Variants in CAPRIN1 observed in about 807,000 individuals in gnomAD.
CAPRIN1 encodes the protein caprin-1.
Under a neutral mutation model 100.9 loss-of-function variants are expected in CAPRIN1, and 29 were observed. That is an observed-to-expected ratio of 0.29 (90% confidence interval 0.21 to 0.39). The LOEUF (loss-of-function observed/expected upper bound fraction) is 0.39. Among genes scored for constraint, CAPRIN1 ranks in the 10% least tolerant of loss-of-function variants. CAPRIN1 has a pLI of 1.00. For synonymous variants in CAPRIN1, 338 were observed against 307.5 expected (o/e 1.10, Z -1.04); for missense variants, 795 against 876.7 (o/e 0.91, Z 1.18).
At chr11:34,081,952 C>T (rs945886670) in intron 7 of CAPRIN1, among the ~76,000 whole-genome samples, 2 of 151,862 alleles carry the variant, frequency 1.3e-5, no homozygotes, top group Admixed American at 6.6e-5. Flanking sequence ...GCTGGTATTA[C>T]AGGCACACAC....
chr11:34,057,900 A>G (rs1484219737), intron 2 of CAPRIN1, among the ~76,000 whole-genome samples: 2 of 150,714 alleles, frequency 1.3e-5, no homozygotes, highest in African/African-American at 4.9e-5. Flanking sequence ...TTATATTTTT[A>G]GTAGAGATGG....
chr11:34,091,959 A>G lies in CAPRIN1; in HGVS notation c.1608A>G (p.Lys536=). Residue 536 remains lysine, a synonymous_variant, in exon 15 of 19, where the codon AAA becomes AAG. Coordinates refer to ENST00000341394, the MANE Select transcript of CAPRIN1 (RefSeq NM_005898.5). ...VPPVNEPETL[K]QQNQYQASYN... The stretch of plus-strand genomic sequence containing the variant: ...CTGTTAATGAACCAGAAACTTTAAA[A>G]CAGCAAAATCAGTACCAGGCCAGTT... 1 of 1,613,980 alleles carries G rather than the reference A, an allele frequency of 6.2e-7. No homozygotes were observed. Among genetic ancestry groups the G allele is most frequent in the Non-Finnish European group, 8.5e-7 (1 of 1,179,946 alleles).
At chr11:34,092,886 T>A (rs1412205240) in intron 15 of CAPRIN1, among the ~76,000 whole-genome samples, 2 of 152,178 alleles carry the variant, frequency 1.3e-5, no homozygotes, top group Admixed American at 1.3e-4. Context: ...AGGTTCTCAC[T>A]TTGTTGCCCG....
chr11:34,061,879 G>C (rs1191363878), intron 2 of CAPRIN1, among the ~76,000 whole-genome samples: 1 of 150,410 alleles, frequency 6.6e-6, no homozygotes, highest in Non-Finnish European at 1.5e-5. Flanking sequence ...TCTGAGGCAG[G>C]AGAATCGCTG....
At chr11:34,053,001 C>G (rs902702545) in intron 2 of CAPRIN1, 2 of 1,052,164 alleles carry the variant, frequency 1.9e-6, no homozygotes, top group Non-Finnish European at 2.3e-6. Context: ...CCCGATTTCT[C>G]TGACGAGGGC....
intron 4 of CAPRIN1, among the ~76,000 whole-genome samples, chr11:34,074,167 C>T (rs1261309955): frequency 6.6e-6 from 1 of 152,164 alleles, no homozygotes; most frequent in African/African-American, 2.4e-5. Flanking sequence ...TTCCACTTAG[C>T]TTAATGAACC....
At position 34,099,048 on chromosome 11, in the gene CAPRIN1, TTGAATGAA is replaced by T. The variant is rs956849017; in HGVS notation, c.2066-243_2066-236del. ...ATAGTAGGCACTCAATAAATATTTGTTGAATGAATGAATGAATGAGTACTGGTGGAATA... is the reference window on the plus strand; with the variant it reads ...ATAGTAGGCACTCAATAAATATTTGTTGAATGAATGAGTACTGGTGGAATA... On this transcript the variant is annotated intron_variant, in intron 18 of 18. Coordinates refer to ENST00000341394, the MANE Select transcript of CAPRIN1 (RefSeq NM_005898.5). 34 of 1,362,854 alleles carry T rather than the reference TTGAATGAA, an allele frequency of 2.5e-5. No individual in the cohort carries two copies. In the South Asian group the frequency reaches 4.7e-4, roughly 19 times the overall value. 84.4% of individuals were successfully genotyped at this position (1,362,854 alleles called of 1,614,324 possible).
chr11:34,097,592 C>T (rs180923572), intron 17 of CAPRIN1, 106 bp from the exon 18 acceptor site: 1 of 1,288,072 alleles, frequency 7.8e-7, no homozygotes, highest in East Asian at 2.3e-5. Context: ...ACTGAAGTGT[C>T]TAAAAGATTA....
chr11:34,061,141 A>C (rs957975524), intron 2 of CAPRIN1, among the ~76,000 whole-genome samples: 1 of 151,242 alleles, frequency 6.6e-6, no homozygotes, highest in Admixed American at 6.6e-5. Flanking sequence ...GTGAAACTAA[A>C]CTCCTGGATA....
intron 2 of CAPRIN1, among the ~76,000 whole-genome samples, chr11:34,062,175 G>A (rs1040742338): frequency 6.6e-6 from 1 of 151,912 alleles, no homozygotes; most frequent in Admixed American, 6.6e-5. Flanking sequence ...TTGTCTTCTG[G>A]GGATTTCACT....
chr11:34,074,849 C>T (rs893228774), intron 4 of CAPRIN1, among the ~76,000 whole-genome samples: 1 of 152,088 alleles, frequency 6.6e-6, no homozygotes, highest in African/African-American at 2.4e-5. Flanking sequence ...CACTCCTGGG[C>T]AACAGAGTGA....
At chr11:34,063,033 G>C (rs990561427) in intron 2 of CAPRIN1, 3 of 151,940 alleles carry the variant, frequency 2.0e-5, no homozygotes, top group Non-Finnish European at 4.4e-5. Context: ...TGTGGAATTT[G>C]TTGGCTATAA....
rs1239155112 is a variant in CAPRIN1 at position 34,100,981 on chromosome 11, A to G, written c.*1614A>G. 1 of 152,634 alleles carries G rather than the reference A, an allele frequency of 6.6e-6. No homozygotes were observed. Among genetic ancestry groups the G allele is most frequent in the Non-Finnish European group, 1.5e-5 (1 of 68,034 alleles). The allele number at this position is 152,634 out of a possible 1,614,324, so 9.5% of individuals were successfully genotyped here. ...TTCCAGTAGGTGCTCAGCTATTTAA[A>G]AACAAAACTATTCTCAAACATTCAT... On this transcript the variant is annotated 3_prime_UTR_variant, in exon 19 of 19. Transcript: ENST00000341394.
chr11:34,069,329 T>G (rs949992213), intron 2 of CAPRIN1, among the ~76,000 whole-genome samples: 13 of 151,930 alleles, frequency 8.6e-5, no homozygotes, highest in African/African-American at 2.9e-4. Flanking sequence ...TTTGTATTTT[T>G]GGTAGAGACG....
rs189501755 is a variant in CAPRIN1, at chr11:34,093,213, A to G, written c.1705+1157A>G. ...TTTTTTTTATATATATATTTTTTTA[A>G]GAAATGGGGTCTCTGTCTGTTGCCC... On this transcript the variant is annotated intron_variant, in intron 15 of 18. Transcript: ENST00000341394. 1.0e-4 allele frequency among the ~76,000 whole-genome samples: 15 copies of G among 148,512 alleles called. 1 individual carries two copies. Among genetic ancestry groups the G allele is most frequent in the Admixed American group, 9.7e-4 (14 of 14,484 alleles).
chr11:34,055,363 G>A (rs1278413255), intron 2 of CAPRIN1, among the ~76,000 whole-genome samples: 2 of 150,906 alleles, frequency 1.3e-5, no homozygotes, highest in Non-Finnish European at 3.0e-5. Flanking sequence ...GCTCTTGTCC[G>A]CCAGGCTGGA....
intron 2 of CAPRIN1, among the ~76,000 whole-genome samples, chr11:34,054,109 C>T (rs145881752): frequency 1.3e-5 from 2 of 152,142 alleles, no homozygotes; most frequent in Admixed American, 1.3e-4. Context: ...ATTAATTTTA[C>T]TTATATATTT....
At chr11:34,072,316 TAA>T (rs59649247) in intron 4 of CAPRIN1, among the ~76,000 whole-genome samples, 10 of 115,010 alleles carry the variant, frequency 8.7e-5, no homozygotes, top group African/African-American at 1.3e-4. Flanking sequence ...ACCCCATCTC[TAA>T]AAAAAAAAAA....
At chr11:34,091,827 A>G in intron 14 of CAPRIN1, 79 bp from the exon 15 acceptor site, 2 of 1,329,112 alleles carry the variant, frequency 1.5e-6, no homozygotes, top group Non-Finnish European at 2.1e-6. Context: ...TGTCTGAGGT[A>G]AAACCACCAT....
Sources: allele counts gnomAD v4.1 joint callset (sites outside exome capture counted in the v4.1 genomes callset), GRCh38; gene constraint gnomAD v4.1.1; transcripts MANE v1.5; gene names NCBI Gene and HGNC (gene_info 2026-07-23, HGNC 2026-07-21).